TRDN: variants seen among roughly 807,000 people sequenced by gnomAD.
The protein encoded by TRDN is triadin in skeletal muscle.
A neutral mutation model predicts 149.7 loss-of-function variants in TRDN; 161 were observed. The observed-to-expected ratio is 1.08, with a 90% CI of 0.95 to 1.23. TRDN has a LOEUF of 1.23. Ranked by LOEUF, TRDN falls within the 50% of genes most tolerant of loss-of-function variation. TRDN has a pLI of 0.00. For missense variants in TRDN, 896 were observed against 823.5 expected (o/e 1.09, Z -1.08); for synonymous variants, 294 against 250.5 (o/e 1.17, Z -1.64).
chr6:123,406,996 C>T (rs894893268), intron 12 of TRDN, among the ~76,000 whole-genome samples: 7 of 151,922 alleles, frequency 4.6e-5, no homozygotes, highest in Admixed American at 2.0e-4. Context: ...AGGCTCCAAG[C>T]TCAGGGTGCT....
intron 38 of TRDN, among the ~76,000 whole-genome samples, chr6:123,239,747 T>C (rs762257572): frequency 3.3e-5 from 5 of 152,016 alleles, no homozygotes; most frequent in Non-Finnish European, 7.4e-5. Context: ...GCTGCTGAAA[T>C]AGTGCTTAAA....
At chr6:123,474,381 C>T (rs931511646) in intron 9 of TRDN, among the ~76,000 whole-genome samples, 4 of 152,002 alleles carry the variant, frequency 2.6e-5, no homozygotes, top group African/African-American at 9.7e-5. Flanking sequence ...GCTAACTATC[C>T]TAAATATATA....
At chr6:123,419,694 C>T (rs1773812761) in intron 12 of TRDN, among the ~76,000 whole-genome samples, 1 of 152,176 alleles carries the variant, frequency 6.6e-6, no homozygotes, top group Admixed American at 6.5e-5. Flanking sequence ...CAATCATCCA[C>T]ACTGGACATC....
At chr6:123,327,443 G>A (rs910115673) in intron 23 of TRDN, among the ~76,000 whole-genome samples, 1 of 151,986 alleles carries the variant, frequency 6.6e-6, no homozygotes, top group Non-Finnish European at 1.5e-5. Context: ...ACTTTAAAGG[G>A]AAATGATCAC....
chr6:123,366,002 G>T, intron 20 of TRDN, 133 bp downstream of exon 20: 2 of 707,290 alleles, frequency 2.8e-6, no homozygotes, highest in Non-Finnish European at 4.6e-6. Context: ...TGCAAAATAG[G>T]TTTGTTTCTA....
intron 10 of TRDN, among the ~76,000 whole-genome samples, chr6:123,456,030 T>C (rs1229908667): frequency 6.6e-6 from 1 of 152,158 alleles, no homozygotes; most frequent in African/African-American, 2.4e-5. Context: ...AAAACATACA[T>C]TACCTTAAAG....
intron 1 of TRDN, among the ~76,000 whole-genome samples, chr6:123,574,891 TATAC>T (rs202144481): frequency 0.049 from 5,049 of 102,624 alleles, 194 homozygotes; most frequent in African/African-American, 0.1. Context: ...TATATATATA[TATAC>T]ACACATTTTC....
chr6:123,615,535 T>TACACACAC (rs1372320211), intron 1 of TRDN, among the ~76,000 whole-genome samples: 1 of 143,108 alleles, frequency 7.0e-6, no homozygotes, highest in African/African-American at 2.9e-5. Flanking sequence ...AAAACATGTA[T>TACACACAC]ATACACACAC....
chr6:123,595,212 TA>T (rs1783974465), intron 1 of TRDN, among the ~76,000 whole-genome samples: 1 of 152,188 alleles, frequency 6.6e-6, no homozygotes, highest in Non-Finnish European at 1.5e-5. Flanking sequence ...AATCACTTAT[TA>T]ATTTATTCCA....
intron 24 of TRDN, among the ~76,000 whole-genome samples, chr6:123,297,016 T>C (rs901853416): frequency 2.0e-5 from 3 of 152,088 alleles, no homozygotes; most frequent in African/African-American, 7.2e-5. Context: ...AAAGCAGCAA[T>C]AATGGGCAAG....
chr6:123,332,255 T>C (rs1267011768), intron 22 of TRDN, among the ~76,000 whole-genome samples: 1 of 151,918 alleles, frequency 6.6e-6, no homozygotes, highest in Non-Finnish European at 1.5e-5. Flanking sequence ...CATGCAGAAG[T>C]CTTCCAAAAC....
rs1325252209 is a variant in TRDN at position 123,473,338 on chromosome 6, G to A, written c.854-8355C>T. 4.6e-5 allele frequency among the ~76,000 whole-genome samples: 7 copies of A among 152,118 alleles called. No homozygotes were observed. The East Asian group carries it at 1.4e-3, about 30-fold the overall frequency. The stretch of plus-strand genomic sequence containing the variant: ...CCGATGCGATCAACTGGAAGAAAGG[G>A]TATCAGCAATGGAAGATGAAATGAA... On this transcript the variant is annotated intron_variant, in intron 9 of 40. Transcript: ENST00000334268.
chr6:123,395,885 C>T (rs888874461), intron 12 of TRDN, among the ~76,000 whole-genome samples: 3 of 152,072 alleles, frequency 2.0e-5, no homozygotes, highest in African/African-American at 7.2e-5. Context: ...CGTTTTCACC[C>T]GTCTAAAATA....
chr6:123,541,630 C>T (rs1780840384), intron 4 of TRDN, among the ~76,000 whole-genome samples: 1 of 152,000 alleles, frequency 6.6e-6, no homozygotes, highest in Non-Finnish European at 1.5e-5. Context: ...GAGCGATATG[C>T]GATGGTGCAG....
At chr6:123,240,732 T>C (rs1775959540) in intron 38 of TRDN, among the ~76,000 whole-genome samples, 1 of 151,936 alleles carries the variant, frequency 6.6e-6, no homozygotes, top group African/African-American at 2.4e-5. Flanking sequence ...AATTAGACTA[T>C]TAAATTTTCT....
intron 14 of TRDN, among the ~76,000 whole-genome samples, chr6:123,383,577 C>A (rs2114425796): frequency 6.6e-6 from 1 of 151,890 alleles, no homozygotes; most frequent in Admixed American, 6.6e-5. Context: ...TATATTCATA[C>A]AATAGAAAAA....
intron 38 of TRDN, among the ~76,000 whole-genome samples, chr6:123,232,901 C>G (rs773804275): frequency 6.6e-6 from 1 of 151,944 alleles, no homozygotes; most frequent in Non-Finnish European, 1.5e-5. Context: ...AAATAATGCA[C>G]GTATATGTAC....
intron 10 of TRDN, among the ~76,000 whole-genome samples, chr6:123,452,999 G>T (rs1182106458): frequency 2.0e-5 from 3 of 152,042 alleles, no homozygotes; most frequent in African/African-American, 4.8e-5. Flanking sequence ...CATAAAGTAG[G>T]GAAAGGACAC....
chr6:123,576,408 G>A (rs4897305), intron 1 of TRDN, among the ~76,000 whole-genome samples: 133,588 of 152,020 alleles, frequency 0.88, 58,773 homozygotes, highest in East Asian at 1. Flanking sequence ...ATTTCAGAGG[G>A]TGTTTTTGCC....
Sources: gnomAD v4.1 joint callset for allele counts (sites outside exome capture counted in the v4.1 genomes callset) on GRCh38, gnomAD v4.1.1 for gene constraint, MANE v1.5 for transcripts, NCBI Gene and HGNC (gene_info 2026-07-23, HGNC 2026-07-21) for gene names.